The following DAB1 variants were observed in gnomAD, a reference collection of about 807,000 sequenced individuals.
The protein encoded by DAB1 is DAB adaptor protein 1, also known as disabled homolog 1.
In DAB1, 15 loss-of-function variants were observed where a neutral mutation model predicts 64.6. The observed-to-expected ratio is 0.23, with a 90% CI of 0.16 to 0.36. The LOEUF is 0.36. DAB1 is among the 10% of genes least tolerant of loss of function. The pLI is 1.00. For missense variants in DAB1, 596 were observed against 706.7 expected (o/e 0.84, Z 1.78); for synonymous variants, 235 against 251.9 (o/e 0.93, Z 0.64).
intron 1 of DAB1, among the ~76,000 whole-genome samples, chr1:57,292,195 C>T (rs1672833549): frequency 6.6e-6 from 1 of 152,146 alleles, no homozygotes; most frequent in South Asian, 2.1e-4. Flanking sequence ...ATGCCAGTTT[C>T]AGTTCAAAAA....
chr1:58,298,111 C>A (rs1205576483), intron 4 of DAB1, among the ~76,000 whole-genome samples: 5 of 152,212 alleles, frequency 3.3e-5, no homozygotes, highest in Non-Finnish European at 7.3e-5. Flanking sequence ...TCAGCATTCA[C>A]TGGATACTTT....
intron 3 of DAB1, among the ~76,000 whole-genome samples, chr1:58,368,869 A>T (rs775377756): frequency 6.6e-6 from 1 of 152,156 alleles, no homozygotes; most frequent in Non-Finnish European, 1.5e-5. Context: ...TCCACAAAAG[A>T]CACAAAAATT....
chr1:57,195,330 G>C (rs958519218), intron 2 of DAB1, among the ~76,000 whole-genome samples: 1 of 152,114 alleles, frequency 6.6e-6, no homozygotes, highest in African/African-American at 2.4e-5. Context: ...TACTAAAGAG[G>C]ACATTTTCTG....
intron 5 of DAB1, among the ~76,000 whole-genome samples, chr1:58,119,366 T>C (rs921442767): frequency 6.6e-6 from 1 of 152,040 alleles, no homozygotes; most frequent in African/African-American, 2.4e-5. Flanking sequence ...TCCTACATTA[T>C]TTGTTATATG....
chr1:57,076,038 C>G (rs1651956837), intron 4 of DAB1, among the ~76,000 whole-genome samples: 2 of 152,192 alleles, frequency 1.3e-5, no homozygotes, highest in South Asian at 2.1e-4. Context: ...ACTGGGCTCT[C>G]AAAGAAAAAG....
intron 2 of DAB1, among the ~76,000 whole-genome samples, chr1:57,185,076 T>A (rs907180970): frequency 6.6e-6 from 1 of 152,048 alleles, no homozygotes; most frequent in African/African-American, 2.4e-5. Flanking sequence ...CACCAACCTC[T>A]TGCTCACCCC....
At chr1:58,348,745 C>G (rs1012192553) in intron 3 of DAB1, among the ~76,000 whole-genome samples, 1 of 152,076 alleles carries the variant, frequency 6.6e-6, no homozygotes, top group African/African-American at 2.4e-5. Flanking sequence ...ATTTTACACA[C>G]GTTGGGAAGT....
At chr1:57,087,434 A>G (rs1044216984) in intron 4 of DAB1, among the ~76,000 whole-genome samples, 3 of 152,226 alleles carry the variant, frequency 2.0e-5, no homozygotes, top group Non-Finnish European at 4.4e-5. Context: ...AGAGAAGTAC[A>G]CTGTAAGGCA....
intron 7 of DAB1, among the ~76,000 whole-genome samples, chr1:57,503,283 C>G (rs1644310547): frequency 6.6e-6 from 1 of 152,222 alleles, no homozygotes; most frequent in African/African-American, 2.4e-5. Context: ...CCCTGGGGCT[C>G]AGACTATACA....
chr1:58,027,375 T>C (rs1341490051), intron 5 of DAB1, among the ~76,000 whole-genome samples: 1 of 152,190 alleles, frequency 6.6e-6, no homozygotes, highest in African/African-American at 2.4e-5. Context: ...GATTGGATTT[T>C]TTAAAATCTG....
chr1:58,265,166 C>A (rs1661131653), intron 4 of DAB1, among the ~76,000 whole-genome samples: 1 of 152,142 alleles, frequency 6.6e-6, no homozygotes, highest in African/African-American at 2.4e-5. Flanking sequence ...CAAAAGAATC[C>A]TTTAGGAAGA....
chr1:57,294,345 T>C (rs192426240), intron 1 of DAB1, among the ~76,000 whole-genome samples: 17 of 152,310 alleles, frequency 1.1e-4, no homozygotes, highest in African/African-American at 2.4e-4. Context: ...ATGTGAATTA[T>C]GTAACATTCC....
intron 6 of DAB1, among the ~76,000 whole-genome samples, chr1:57,780,379 C>A (rs1650006347): frequency 6.6e-6 from 1 of 152,084 alleles, no homozygotes; most frequent in African/African-American, 2.4e-5. Flanking sequence ...ATTCCTCAAA[C>A]TAAAACTGAT....
At chr1:57,431,143 C>CAAAAAAAAAAA (rs77701798) in intron 7 of DAB1, among the ~76,000 whole-genome samples, 2 of 96,402 alleles carry the variant, frequency 2.1e-5, no homozygotes, top group African/African-American at 3.7e-5. Flanking sequence ...AGGCCAAAAA[C>CAAAAAAAAAAA]AAAAAAAAAA....
chr1:57,865,589 T>C (rs930298582), intron 1 of DAB1, among the ~76,000 whole-genome samples: 2 of 152,170 alleles, frequency 1.3e-5, no homozygotes, highest in African/African-American at 4.8e-5. Context: ...CTCTTCATTA[T>C]TGGCTCTCTC....
At chr1:57,390,178 T>G (rs773251584) in intron 1 of DAB1, among the ~76,000 whole-genome samples, 1 of 152,208 alleles carries the variant, frequency 6.6e-6, no homozygotes, top group African/African-American at 2.4e-5. Flanking sequence ...CGCTCTTAAG[T>G]AAGACTGTAA....
At chr1:58,161,649 T>G (rs969201070) in intron 4 of DAB1, among the ~76,000 whole-genome samples, 1 of 152,150 alleles carries the variant, frequency 6.6e-6, no homozygotes, top group African/African-American at 2.4e-5. Flanking sequence ...CATATATGTA[T>G]ATATATAATT....
chr1:57,265,685 T>A (rs766024722), intron 2 of DAB1, among the ~76,000 whole-genome samples: 2 of 152,132 alleles, frequency 1.3e-5, no homozygotes, highest in Non-Finnish European at 2.9e-5. Context: ...AAAGTTTCTA[T>A]GAATTATTGA....
chr1:57,072,057 C>T (rs1246476380), intron 5 of DAB1, among the ~76,000 whole-genome samples: 1 of 132,898 alleles, frequency 7.5e-6, no homozygotes, highest in African/African-American at 2.8e-5. Context: ...AGGAAATACC[C>T]ATTAGTTAAA....
Sources: allele counts gnomAD v4.1 joint callset (sites outside exome capture counted in the v4.1 genomes callset), GRCh38; gene constraint gnomAD v4.1.1; transcripts MANE v1.5; gene names NCBI Gene and HGNC (gene_info 2026-07-23, HGNC 2026-07-21).